Variants in CCNH observed in about 807,000 individuals in gnomAD.
The protein encoded by CCNH is cyclin H, also known as cyclin-H.
Under a neutral mutation model 41.9 loss-of-function variants are expected in CCNH, and 31 were observed. That is an observed-to-expected ratio of 0.74 (90% CI 0.56 to 1.00). The LOEUF (loss-of-function observed/expected upper bound fraction) is 1.00. Among genes scored for constraint, CCNH ranks in the 50% least tolerant of loss-of-function variants. The pLI, the probability that CCNH is intolerant of heterozygous loss-of-function variation, is 0.00. For synonymous variants in CCNH, 138 were observed against 136.1 expected (o/e 1.01, Z -0.10); for missense variants, 362 against 388.4 (o/e 0.93, Z 0.57).
intron 3 of CCNH, among the ~76,000 whole-genome samples, chr5:87,408,564 G>C (rs1322599833): frequency 6.6e-6 from 1 of 152,152 alleles, no homozygotes; most frequent in Non-Finnish European, 1.5e-5. Flanking sequence ...TATGTACCAT[G>C]TAAGTATGGG....
At chr5:87,401,809 T>TA in intron 5 of CCNH, 37 bp from the exon 6 acceptor site, 1 of 1,222,896 alleles carries the variant, frequency 8.2e-7, no homozygotes, top group South Asian at 1.4e-5. Context: ...ATTGAAAACA[T>TA]ACAGCACATT....
intron 9 of CCNH, chr5:87,331,421 C>G (rs1757591889): frequency 6.2e-7 from 1 of 1,613,676 alleles, no homozygotes; most frequent in Admixed American, 1.7e-5. Context: ...TGGCAGTTAT[C>G]TTATAAGAGA....
chr5:87,350,165 C>A (rs574261992), intron 9 of CCNH, among the ~76,000 whole-genome samples: 35 of 151,772 alleles, frequency 2.3e-4, no homozygotes, highest in East Asian at 1.5e-3. Context: ...CTGAAAAAAA[C>A]CAAAAAACAA....
intron 9 of CCNH, chr5:87,385,452 T>A: frequency 8.0e-7 from 1 of 1,253,394 alleles, no homozygotes; most frequent in Non-Finnish European, 1.2e-6. Flanking sequence ...GATAAAACCA[T>A]AAATTGTGGC....
intron 9 of CCNH, among the ~76,000 whole-genome samples, chr5:87,351,961 T>C (rs865793823): frequency 1.9e-4 from 29 of 151,854 alleles, no homozygotes; most frequent in African/African-American, 6.5e-4. Context: ...TTTCATAGAT[T>C]TGGTGCTTTT....
intron 9 of CCNH, chr5:87,369,805 T>C: frequency 1.2e-6 from 2 of 1,606,998 alleles, no homozygotes; most frequent in Non-Finnish European, 1.7e-6. Context: ...TTTGTTTTTA[T>C]TTTAAAGGCC....
chr5:87,394,246 G>GAATA, downstream of CCNH: 1 of 1,238,938 alleles, frequency 8.1e-7, no homozygotes, highest in Non-Finnish European at 1.0e-6. Context: ...GATGGAATAA[G>GAATA]AATATTCAAA....
intron 9 of CCNH, among the ~76,000 whole-genome samples, chr5:87,327,976 A>G (rs1261260949): frequency 6.6e-6 from 1 of 152,126 alleles, no homozygotes; most frequent in Non-Finnish European, 1.5e-5. Flanking sequence ...CCCAAAAAAA[A>G]AAAAAAGAGA....
chr5:87,405,860 C>T (rs1412633300), intron 4 of CCNH, among the ~76,000 whole-genome samples: 1 of 151,996 alleles, frequency 6.6e-6, no homozygotes, highest in African/African-American at 2.4e-5. Context: ...ATCCAACAAA[C>T]TTTCGCTTTG....
chr5:87,386,983 T>C (rs1762106537), downstream of CCNH: 3 of 1,292,746 alleles, frequency 2.3e-6, no homozygotes, highest in African/African-American at 1.5e-5. Flanking sequence ...CAGCAATCTT[T>C]AGAAAGATTT....
chr5:87,406,838 G>A (rs1042649427), intron 4 of CCNH, among the ~76,000 whole-genome samples: 23 of 152,028 alleles, frequency 1.5e-4, no homozygotes, highest in African/African-American at 5.3e-4. Flanking sequence ...CATTCTCCAC[G>A]TTATGCCTGA....
chr5:87,319,474 G>A (rs910731410), intron 9 of CCNH, among the ~76,000 whole-genome samples: 15 of 151,468 alleles, frequency 9.9e-5, no homozygotes, highest in Non-Finnish European at 1.9e-4. Context: ...CTTGCCTTTT[G>A]TGCACCCACA....
At chr5:87,334,345 G>A (rs1757808854) in intron 9 of CCNH, among the ~76,000 whole-genome samples, 1 of 152,010 alleles carries the variant, frequency 6.6e-6, no homozygotes, top group Admixed American at 6.6e-5. Context: ...TCCATTTTTT[G>A]TTCTGTTCAG....
intron 9 of CCNH, chr5:87,370,022 T>C: frequency 2.3e-6 from 2 of 858,940 alleles, no homozygotes; most frequent in Non-Finnish European, 3.7e-6. Context: ...TCTAATCATC[T>C]CTTATTTTAA....
chr5:87,368,635 A>G (rs903921985), intron 9 of CCNH, among the ~76,000 whole-genome samples: 2 of 152,196 alleles, frequency 1.3e-5, no homozygotes, highest in South Asian at 2.1e-4. Flanking sequence ...ACAGCCCTTC[A>G]GGGGTCTCAA....
chr5:87,407,088 G>T (rs1222529474), intron 4 of CCNH, among the ~76,000 whole-genome samples: 1 of 152,102 alleles, frequency 6.6e-6, no homozygotes. Context: ...GCACGGAATG[G>T]TTTCTTGAAT....
upstream of CCNH, among the ~76,000 whole-genome samples, chr5:87,381,857 G>A (rs531422746): frequency 1.3e-5 from 2 of 152,272 alleles, no homozygotes; most frequent in South Asian, 4.1e-4. Flanking sequence ...CCAAGGTTAG[G>A]TTTCAGGCTC....
At chr5:87,331,174 T>G (rs1757568829) in intron 9 of CCNH, 2 of 924,552 alleles carry the variant, frequency 2.2e-6, no homozygotes, top group Middle Eastern at 2.7e-4. Context: ...AAATGAGTAT[T>G]TTTTGAGACT....
chr5:87,335,419 GTTTT>G (rs34986349), intron 9 of CCNH, among the ~76,000 whole-genome samples: 20 of 72,926 alleles, frequency 2.7e-4, no homozygotes, highest in African/African-American at 6.1e-4. Context: ...AAAGAATGAG[GTTTT>G]TTTTTTTTTT....
Sources: gnomAD v4.1 joint callset for allele counts (sites outside exome capture counted in the v4.1 genomes callset) on GRCh38, gnomAD v4.1.1 for gene constraint, MANE v1.5 for transcripts, NCBI Gene and HGNC (gene_info 2026-07-23, HGNC 2026-07-21) for gene names.